LIX1L: variants seen among roughly 807,000 people sequenced by gnomAD.
LIX1L encodes limb and CNS expressed 1 like.
LIX1L carries 20 observed loss-of-function variants against 34.0 expected under a neutral mutation model. The ratio of observed to expected loss-of-function variants is 0.59; its 90% CI spans 0.41 to 0.85. The LOEUF (loss-of-function observed/expected upper bound fraction) is 0.85, where lower values mean the gene tolerates loss of function less well. Ranked by LOEUF, LIX1L falls within the 40% of genes least tolerant of loss-of-function variation. The probability of loss-of-function intolerance (pLI) is 0.00; values close to 1 mark genes in which losing one functional copy is unlikely to be tolerated. For missense variants in LIX1L, 397 were observed against 447.0 expected, an observed-to-expected ratio of 0.89 and a Z score of 1.01; for synonymous variants, 170 against 187.4, an observed-to-expected ratio of 0.91 and a Z score of 0.76.
At position 145,957,625 on chromosome 1, in the gene LIX1L, C is replaced by A. The variant is rs782571281; in HGVS notation, c.292+11G>T. The A allele has an allele frequency of 6.6e-7, 1 of 1,518,554 alleles. No homozygotes were observed. The allele number at this position is 1,518,554 out of a possible 1,614,324, so 94.1% of individuals were successfully genotyped here. ...AGGGTGTCGCGCAGGAGGCCAGACCCGCAGACTCACCTCGGCCATAGCCCT... is the reference window on the plus strand; with the variant it reads ...AGGGTGTCGCGCAGGAGGCCAGACCAGCAGACTCACCTCGGCCATAGCCCT... On this transcript the variant is annotated intron_variant, in intron 1 of 5. Coordinates refer to ENST00000604000, the MANE Select transcript of LIX1L (RefSeq NM_153713.3).
chr1:145,944,246 G>A (rs587753415), intron 2 of LIX1L, among the ~76,000 whole-genome samples: 1 of 152,260 alleles, frequency 6.6e-6, no homozygotes, highest in East Asian at 1.9e-4. Flanking sequence ...TGTGGTCCCA[G>A]CTAGTCAGGA....
intron 1 of LIX1L, among the ~76,000 whole-genome samples, chr1:145,955,332 C>T (rs1223250390): frequency 6.6e-6 from 1 of 152,170 alleles, no homozygotes; most frequent in Non-Finnish European, 1.5e-5. Context: ...TACATACATA[C>T]ATACATATAT....
At chr1:145,947,560 G>C in intron 2 of LIX1L, 59 bp downstream of exon 2, 2 of 1,562,992 alleles carry the variant, frequency 1.3e-6, no homozygotes, top group Non-Finnish European at 8.8e-7. Flanking sequence ...AAGTGGTGGA[G>C]AAAGCCGTTA....
rs587683560 is a variant in LIX1L at position 145,954,565 on chromosome 1, T to C, written c.292+3071A>G. The stretch of plus-strand genomic sequence containing the variant: ...GCAGCCATATTGTAACATAAAAGGA[T>C]AGCAATACTTCCAAAACAACAGGTT... On this transcript the variant is annotated intron_variant, in intron 1 of 5. Coordinates refer to ENST00000604000, the MANE Select transcript of LIX1L (RefSeq NM_153713.3). Among the ~76,000 whole-genome samples, 25 of 152,270 alleles carry C rather than the reference T, an allele frequency of 1.6e-4. No homozygotes were observed. The South Asian group carries it at 3.9e-3, about 24-fold the overall frequency.
intron 1 of LIX1L, among the ~76,000 whole-genome samples, chr1:145,954,008 T>C (rs1324205137): frequency 6.6e-6 from 1 of 151,414 alleles, no homozygotes; most frequent in Non-Finnish European, 1.5e-5. Context: ...TGCGGTGAGC[T>C]ATGATTGCAC....
intron 3 of LIX1L, among the ~76,000 whole-genome samples, chr1:145,941,680 C>T (rs1553758667): frequency 6.6e-6 from 1 of 152,136 alleles, no homozygotes; most frequent in East Asian, 1.9e-4. Flanking sequence ...AACTTGGGTT[C>T]TAATCTTGGC....
At chr1:145,946,216 T>C (rs1570967659) in intron 2 of LIX1L, among the ~76,000 whole-genome samples, 1 of 151,076 alleles carries the variant, frequency 6.6e-6, no homozygotes, top group African/African-American at 2.4e-5. Flanking sequence ...TTTTTTTTTT[T>C]GAGCCAGAGT....
intron 1 of LIX1L, 89 bp from the exon 2 acceptor site, chr1:145,947,871 T>G: frequency 8.4e-7 from 1 of 1,192,854 alleles, no homozygotes; most frequent in East Asian, 2.4e-5. Flanking sequence ...AACCTGTACC[T>G]ACATTAAGAG....
At position 145,934,587 on chromosome 1, in the gene LIX1L, A is replaced by AC. The variant is rs1247984287; in HGVS notation, c.*1722dup. The AC allele has an allele frequency of 6.8e-5, 9 of 132,544 alleles. No individual in the cohort carries two copies. The highest frequency in any genetic ancestry group is 1.4e-4 in the African/African-American group (5 of 35,816). The allele number at this position is 132,544 out of a possible 1,614,324, so 8.2% of individuals were successfully genotyped here. A position where few individuals can be genotyped will look rare whatever the true frequency, so the allele number is the denominator to read the frequency against. ...AGACTCCGTCTCAAAAAAAAAAAAA[A>AC]CACACAAATAGTTTGGGAGGCCGAG... On this transcript the variant is annotated 3_prime_UTR_variant, in exon 6 of 6. Coordinates refer to ENST00000604000, the MANE Select transcript of LIX1L (RefSeq NM_153713.3).
intron 1 of LIX1L, among the ~76,000 whole-genome samples, chr1:145,951,257 G>T (rs1649289872): frequency 6.6e-6 from 1 of 152,102 alleles, no homozygotes; most frequent in Non-Finnish European, 1.5e-5. Flanking sequence ...ATATTGGTCA[G>T]GCTGGTCTCA....
chr1:145,933,803 TAAG>T lies in LIX1L; in HGVS notation c.*2504_*2506del, dbSNP rs1379025471. ...TCTACCCCAGCTCTCTTCTGATTAG[TAAG>T]AAAAAAAAAATGATAGGGCCTGGAG... On this transcript the variant is annotated 3_prime_UTR_variant, in exon 6 of 6. Transcript: ENST00000604000. 5 of 151,692 alleles carry T rather than the reference TAAG, an allele frequency of 3.3e-5. No individual in the cohort carries two copies. The highest frequency in any genetic ancestry group is 2.0e-4 in the Admixed American group (3 of 15,238). The allele number at this position is 151,692 out of a possible 1,614,324, so 9.4% of individuals were successfully genotyped here.
At position 145,948,683 on chromosome 1, in the gene LIX1L, G is replaced by A. The variant is rs1553759491; in HGVS notation, c.293-901C>T. The A allele has an allele frequency of 6.6e-6, 1 of 152,236 alleles. No individual in the cohort carries two copies. The highest frequency in any genetic ancestry group is 1.5e-5 in the Non-Finnish European group (1 of 68,044). 9.4% of individuals were successfully genotyped at this position (152,236 alleles called of 1,614,324 possible). ...GGAAGCAATTGGAGGACTTTAAAAA[G>A]AAGCACTCCTCCATGGGTCGGTCTC... On this transcript the variant is annotated intron_variant, in intron 1 of 5. Transcript: ENST00000604000. This position sits in a 1 kb window ranked among gnomAD's most constrained non-coding sequence, Gnocchi z 4.0.
In LIX1L at chr1:145,936,087, G is replaced by T; in HGVS notation, c.*223C>A. On this transcript the variant is annotated 3_prime_UTR_variant, in exon 6 of 6. Coordinates refer to ENST00000604000, the MANE Select transcript of LIX1L (RefSeq NM_153713.3). ...AAGCTGCAAAGACAAGCTGCTCTTTGTTGTAAAGTGGACTGAAGATGTTTC... is the reference window on the plus strand; with the variant it reads ...AAGCTGCAAAGACAAGCTGCTCTTTTTTGTAAAGTGGACTGAAGATGTTTC... The T allele has an allele frequency of 3.7e-6, 2 of 533,730 alleles. No individual in the cohort carries two copies. The highest frequency in any genetic ancestry group is 6.5e-6 in the Non-Finnish European group (2 of 307,502). 33.1% of individuals were successfully genotyped at this position (533,730 alleles called of 1,614,324 possible).
intron 5 of LIX1L, 76 bp from the exon 6 acceptor site, chr1:145,936,628 T>A (rs1648657053): frequency 1.3e-6 from 2 of 1,556,990 alleles, no homozygotes; most frequent in Non-Finnish European, 1.8e-6. Flanking sequence ...CAACTGGGAC[T>A]AAGAACTCAG....
intron 2 of LIX1L, among the ~76,000 whole-genome samples, chr1:145,946,508 A>C (rs1206716363): frequency 2.6e-5 from 4 of 152,088 alleles, no homozygotes; most frequent in Non-Finnish European, 5.9e-5. Context: ...GAAATGACTG[A>C]AGTTCTAAGG....
At chr1:145,939,344 C>A (rs781196317) in intron 3 of LIX1L, among the ~76,000 whole-genome samples, 1 of 146,222 alleles carries the variant, frequency 6.8e-6, no homozygotes, top group Admixed American at 6.9e-5. Flanking sequence ...CTTACTCTGT[C>A]GCCCAGGCTG....
rs1648719512 is a variant in LIX1L, at chr1:145,937,825, A to G, written c.598-126T>C. 7.6e-6 allele frequency: 5 copies of G among 655,936 alleles called. No homozygotes were observed. The South Asian group carries it at 9.0e-5, about 12-fold the overall frequency. 40.6% of individuals were successfully genotyped at this position (655,936 alleles called of 1,614,324 possible). On this transcript the variant is annotated intron_variant, in intron 3 of 5. Transcript: ENST00000604000. ...TTCAAAATTTCCTCTCTGCCACATT[A>G]AAGTAAAAATAAAGAGGTAAGTCCA...
chr1:145,957,652 C>T lies in LIX1L; in HGVS notation c.276G>A (p.Thr92=), dbSNP rs144287586. The stretch of plus-strand genomic sequence containing the variant: ...CAGACTCACCTCGGCCATAGCCCTG[C>T]GTGTGCTTGGCGAAGCTCCTCACCA... ...EAVVRSFAKH[T]QGYGRVNVVE... The change falls in exon 1 of 6, where the codon ACG becomes ACA. Residue 92 remains threonine (T), a synonymous_variant. Transcript: ENST00000604000. 1.3e-6 allele frequency: 2 copies of T among 1,541,756 alleles called. No homozygotes were observed. The highest frequency in any genetic ancestry group is 1.4e-5 in the African/African-American group (1 of 70,126).
rs373567570 is a variant in LIX1L, at chr1:145,938,341, A to G, written c.598-642T>C. Among the ~76,000 whole-genome samples the G allele has an allele frequency of 7.2e-5, 11 of 152,186 alleles. No individual in the cohort carries two copies. In the East Asian group the frequency reaches 1.4e-3, roughly 19 times the overall value. On this transcript the variant is annotated intron_variant, in intron 3 of 5. Coordinates refer to ENST00000604000, the MANE Select transcript of LIX1L (RefSeq NM_153713.3). ...CTATTGTGTCTTCTATTGGTTATGT[A>G]ACCCTGCAGGGTTAGAATTAAGACA...
Sources: allele counts gnomAD v4.1 joint callset (sites outside exome capture counted in the v4.1 genomes callset), GRCh38; gene constraint gnomAD v4.1.1; non-coding constraint Gnocchi (gnomAD v3.1); transcripts MANE v1.5; gene names NCBI Gene and HGNC (gene_info 2026-07-23, HGNC 2026-07-21).